The following GRIN2A variants were observed in gnomAD, a reference collection of about 807,000 sequenced individuals.
GRIN2A encodes the protein glutamate ionotropic receptor NMDA type subunit 2A, also known as glutamate receptor ionotropic, NMDA 2A.
A neutral mutation model predicts 113.4 loss-of-function variants in GRIN2A; 22 were observed. The ratio of observed to expected loss-of-function variants is 0.19; its 90% CI spans 0.14 to 0.28. The LOEUF is 0.28. Ranked by LOEUF, GRIN2A falls within the 10% of genes least tolerant of loss-of-function variation. The pLI is 1.00. For synonymous variants in GRIN2A, 827 were observed against 738.4 expected, an observed-to-expected ratio of 1.12 and a Z score of -1.94; for missense variants, 1,502 against 1,887.0, an observed-to-expected ratio of 0.80 and a Z score of 3.78.
chr16:9,923,300 A>G (rs7203026), intron 3 of GRIN2A, among the ~76,000 whole-genome samples: 65,311 of 151,970 alleles, frequency 0.43, 14,456 homozygotes, highest in Non-Finnish European at 0.45. Flanking sequence ...TAGTGTGTAC[A>G]TATTTTTCCA....
Position 9,938,277 on chromosome 16 carries a change from T to C in GRIN2A, c.689A>G (p.Tyr230Cys), listed in dbSNP as rs996900968. The C allele has an allele frequency of 2.5e-6, 4 of 1,613,954 alleles. No homozygotes were observed. The highest frequency in any genetic ancestry group is 1.7e-6 in the Non-Finnish European group (2 of 1,179,946). ...GAGAACAGCCTCGTCTTTGGAACAG[T>C]AGAGCAAGATGACAGAAGAGTGGAT... is the stretch of plus-strand genomic sequence containing the variant. ...KKIHSSVILL[Y>C]CSKDEAVLIL... Residue 230 changes from tyrosine to cysteine, a missense_variant, in exon 3 of 13, where the codon TAC (tyrosine) becomes TGC (cysteine). This residue lies in a region of GRIN2A where 334 missense variants were observed against 403.0 expected (regional missense o/e 0.83). Transcript: ENST00000330684.
chr16:9,785,804 G>C (rs1902200070), intron 11 of GRIN2A, among the ~76,000 whole-genome samples: 1 of 152,186 alleles, frequency 6.6e-6, no homozygotes, highest in Non-Finnish European at 1.5e-5. Flanking sequence ...TTAGGTGTCT[G>C]TATTTTCTTG....
chr16:9,943,463 C>T (rs1226227815), intron 2 of GRIN2A, among the ~76,000 whole-genome samples: 1 of 152,206 alleles, frequency 6.6e-6, no homozygotes, highest in African/African-American at 2.4e-5. Context: ...CCAGAGCTTG[C>T]TCGGTCCCCA....
intron 2 of GRIN2A, among the ~76,000 whole-genome samples, chr16:10,136,470 G>C (rs2049193217): frequency 6.6e-6 from 1 of 152,102 alleles, no homozygotes. Context: ...GATGCAAGAG[G>C]CATTTGGCTA....
chr16:9,938,611 C>T (rs2044776873), intron 2 of GRIN2A, 60 bp from the exon 3 acceptor site: 1 of 1,166,514 alleles, frequency 8.6e-7, no homozygotes, highest in Non-Finnish European at 1.3e-6. Context: ...TATAGAAGCA[C>T]AAACTGCGTC....
chr16:10,121,117 G>T (rs1355017402), intron 2 of GRIN2A, among the ~76,000 whole-genome samples: 1 of 152,168 alleles, frequency 6.6e-6, no homozygotes, highest in Non-Finnish European at 1.5e-5. Context: ...GCAATCCACA[G>T]CAAGAAGGGT....
At chr16:9,908,550 AAGAAG>A (rs1023953769) in intron 3 of GRIN2A, among the ~76,000 whole-genome samples, 3 of 152,182 alleles carry the variant, frequency 2.0e-5, no homozygotes. Flanking sequence ...GAAAGAGGAA[AAGAAG>A]AGAAGTCAAA....
intron 2 of GRIN2A, among the ~76,000 whole-genome samples, chr16:10,026,850 C>G: frequency 6.6e-6 from 1 of 152,184 alleles, no homozygotes. Flanking sequence ...GAACGAACCT[C>G]AGGAAGAACT....
intron 2 of GRIN2A, among the ~76,000 whole-genome samples, chr16:10,029,061 T>C (rs1456900135): frequency 3.3e-5 from 5 of 152,184 alleles, no homozygotes; most frequent in Non-Finnish European, 7.4e-5. Flanking sequence ...GATCTCACTT[T>C]CCCAACTCTC....
At chr16:10,134,761 G>A (rs1213286185) in intron 2 of GRIN2A, among the ~76,000 whole-genome samples, 1 of 152,112 alleles carries the variant, frequency 6.6e-6, no homozygotes, top group African/African-American at 2.4e-5. Flanking sequence ...AGTATGTCAT[G>A]GGGATTCACT....
chr16:9,779,288 G>T (rs1901799080), intron 11 of GRIN2A, among the ~76,000 whole-genome samples: 1 of 152,232 alleles, frequency 6.6e-6, no homozygotes, highest in African/African-American at 2.4e-5. Context: ...GTGTTGCTCA[G>T]TTCTACATGC....
chr16:9,893,666 C>A (rs1158598602), intron 3 of GRIN2A, among the ~76,000 whole-genome samples: 1 of 152,092 alleles, frequency 6.6e-6, no homozygotes, highest in Non-Finnish European at 1.5e-5. Context: ...AGGGTTTTGC[C>A]ATGTTGACCA....
chr16:10,112,246 T>C (rs963457511), intron 2 of GRIN2A: 33 of 624,380 alleles, frequency 5.3e-5, no homozygotes, highest in Non-Finnish European at 9.4e-5. Context: ...GTGCATTACA[T>C]CAAACAGAAG....
intron 2 of GRIN2A, among the ~76,000 whole-genome samples, chr16:9,974,444 C>CA (rs1423021140): frequency 1.3e-5 from 2 of 152,190 alleles, no homozygotes; most frequent in African/African-American, 4.8e-5. Flanking sequence ...ATGCAGCCCC[C>CA]AGTCACATAC....
chr16:10,081,830 A>G (rs1178245219), intron 2 of GRIN2A, among the ~76,000 whole-genome samples: 1 of 152,154 alleles, frequency 6.6e-6, no homozygotes, highest in African/African-American at 2.4e-5. Context: ...AATAAGTAGG[A>G]ACCTCCAAGG....
chr16:9,909,450 G>A (rs1354877948), intron 3 of GRIN2A, among the ~76,000 whole-genome samples: 2 of 152,208 alleles, frequency 1.3e-5, no homozygotes, highest in African/African-American at 2.4e-5. Flanking sequence ...ATCCAGTATG[G>A]CAGCCACTAG....
At chr16:9,909,153 G>A (rs1395107595) in intron 3 of GRIN2A, among the ~76,000 whole-genome samples, 7 of 152,166 alleles carry the variant, frequency 4.6e-5, no homozygotes, top group Non-Finnish European at 1.0e-4. Context: ...ATGGAAGGGA[G>A]CAGGCAAAAA....
At chr16:10,091,655 A>G (rs1412322260) in intron 2 of GRIN2A, among the ~76,000 whole-genome samples, 1 of 152,216 alleles carries the variant, frequency 6.6e-6, no homozygotes, top group African/African-American at 2.4e-5. Context: ...ACAAAATGTT[A>G]TATATCCAGA....
At position 9,763,914 on chromosome 16, in the gene GRIN2A, G is replaced by GTT; in HGVS notation, c.3628_3629dup (p.Asn1210LysfsTer22). ...AAAGGCAGCTTCTGCAGTGCGTGGAGTTCTGCCGGTATCGCTCGCTGGTCT... is the reference window on the plus strand; with the variant it reads ...AAAGGCAGCTTCTGCAGTGCGTGGAGTTTTCTGCCGGTATCGCTCGCTGGTCT... On this transcript the variant is annotated frameshift_variant, in exon 13 of 13. Coordinates refer to ENST00000330684, the MANE Select transcript of GRIN2A (RefSeq NM_001134407.3). LOFTEE classifies it high-confidence loss of function. 1 of 1,614,150 alleles carries GTT rather than the reference G, an allele frequency of 6.2e-7. No homozygotes were observed. The highest frequency in any genetic ancestry group is 8.5e-7 in the Non-Finnish European group (1 of 1,180,022).
Sources: allele counts gnomAD v4.1 joint callset (sites outside exome capture counted in the v4.1 genomes callset), GRCh38; gene constraint gnomAD v4.1.1; regional missense constraint gnomAD v4.1.1; transcripts MANE v1.5; gene names NCBI Gene and HGNC (gene_info 2026-07-23, HGNC 2026-07-21).